The following DIP2C variants were observed in gnomAD, a reference collection of about 807,000 sequenced individuals.
DIP2C encodes the protein DIP2 acetate--CoA ligase C (putative).
A neutral mutation model predicts 192.4 loss-of-function variants in DIP2C; 33 were observed. The ratio of observed to expected loss-of-function variants is 0.17; its 90% CI spans 0.13 to 0.23. DIP2C has a LOEUF of 0.23. Among genes scored for constraint, DIP2C ranks in the 10% least tolerant of loss-of-function variants. The probability of loss-of-function intolerance (pLI) is 1.00; values close to 1 mark genes in which losing one functional copy is unlikely to be tolerated. For synonymous variants in DIP2C, 979 were observed against 864.1 expected (o/e 1.13, Z -2.33); for missense variants, 1,537 against 2,110.1 (o/e 0.73, Z 5.32).
chr10:381,116 G>A (rs1185314057), intron 17 of DIP2C, among the ~76,000 whole-genome samples: 1 of 152,166 alleles, frequency 6.6e-6, no homozygotes, highest in Non-Finnish European at 1.5e-5. Flanking sequence ...ACCAGCATTG[G>A]CTTCTCTCCT....
chr10:288,457 T>C lies in DIP2C; in HGVS notation c.3987-36A>G, dbSNP rs372567477. On this transcript the variant is annotated intron_variant, in intron 32 of 36. Coordinates refer to ENST00000280886, the MANE Select transcript of DIP2C (RefSeq NM_014974.3). ...AAAGAGAAAATATTCCTAGATGTGT[T>C]TGCTGTCCAGTTTTCCCCTTCACCA... The C allele has an allele frequency of 3.7e-5, 60 of 1,610,188 alleles. No homozygotes were observed. In the African/African-American group the frequency reaches 4.7e-4, roughly 13 times the overall value.
At chr10:530,905 G>T (rs555533198) in intron 1 of DIP2C, among the ~76,000 whole-genome samples, 33 of 152,214 alleles carry the variant, frequency 2.2e-4, no homozygotes, top group Non-Finnish European at 4.1e-4. Context: ...CAGCAGCCTG[G>T]TTTAGAGGAA....
chr10:355,256 G>T (rs930589571), intron 24 of DIP2C, among the ~76,000 whole-genome samples: 1 of 152,208 alleles, frequency 6.6e-6, no homozygotes, highest in African/African-American at 2.4e-5. Context: ...CAATGGCTGG[G>T]ATCAACTCAG....
chr10:519,509 T>C (rs778949967), intron 1 of DIP2C, among the ~76,000 whole-genome samples: 1 of 152,056 alleles, frequency 6.6e-6, no homozygotes, highest in Non-Finnish European at 1.5e-5. Flanking sequence ...CACACATACA[T>C]GGGACCTCCA....
intron 17 of DIP2C, among the ~76,000 whole-genome samples, chr10:374,439 C>G (rs886856421): frequency 6.6e-6 from 1 of 152,182 alleles, no homozygotes; most frequent in African/African-American, 2.4e-5. Context: ...CTATTCTGCA[C>G]AGCAACCCTG....
chr10:536,904 AG>A (rs2130884231), intron 1 of DIP2C, among the ~76,000 whole-genome samples: 1 of 152,310 alleles, frequency 6.6e-6, no homozygotes, highest in South Asian at 2.1e-4. Context: ...AACACACGCC[AG>A]TTCTTTATTC....
chr10:654,189 T>C (rs1283549596), intron 1 of DIP2C, among the ~76,000 whole-genome samples: 1 of 152,102 alleles, frequency 6.6e-6, no homozygotes. Flanking sequence ...CTGCCGGAGA[T>C]TGGTAGTGAC....
At chr10:606,170 A>T (rs1409647513) in intron 1 of DIP2C, among the ~76,000 whole-genome samples, 1 of 152,240 alleles carries the variant, frequency 6.6e-6, no homozygotes, top group Non-Finnish European at 1.5e-5. Context: ...CCTCAGAACG[A>T]GTCCTGCATA....
intron 31 of DIP2C, among the ~76,000 whole-genome samples, chr10:310,360 G>A (rs896563366): frequency 4.9e-4 from 74 of 152,308 alleles, no homozygotes; most frequent in African/African-American, 1.6e-3. Flanking sequence ...ACAAAGCCAC[G>A]CACTGTGCCA....
intron 3 of DIP2C, among the ~76,000 whole-genome samples, chr10:455,449 G>A (rs35418083): frequency 5.4e-4 from 52 of 96,598 alleles, no homozygotes; most frequent in African/African-American, 1.9e-3. Context: ...ACCGTGAGGA[G>A]TAAATGAGAT....
chr10:389,305 G>A (rs964201622), intron 13 of DIP2C, among the ~76,000 whole-genome samples: 1 of 152,008 alleles, frequency 6.6e-6, no homozygotes, highest in South Asian at 2.1e-4. Flanking sequence ...GCCACCAATG[G>A]GGGGAGTCTC....
At chr10:463,497 GAC>G (rs1241432150) in intron 3 of DIP2C, among the ~76,000 whole-genome samples, 1 of 152,168 alleles carries the variant, frequency 6.6e-6, no homozygotes, top group African/African-American at 2.4e-5. Context: ...AAGAAGAGAA[GAC>G]ACAAACAAAT....
rs185103570 is a variant in DIP2C at position 383,480 on chromosome 10, G to A, written c.1876+547C>T. Among the ~76,000 whole-genome samples, 16 of 152,304 alleles carry A rather than the reference G, an allele frequency of 1.1e-4. No homozygotes were observed. The East Asian group carries it at 3.1e-3, about 29-fold the overall frequency. ...AGTTGGCTGAAATATTTCTCAAGGT[G>A]TATTTATAGTATTCTGTGGAGCTGC... On this transcript the variant is annotated intron_variant, in intron 16 of 36. Coordinates refer to ENST00000280886, the MANE Select transcript of DIP2C (RefSeq NM_014974.3).
chr10:446,164 T>C (rs552311618), intron 3 of DIP2C, among the ~76,000 whole-genome samples: 5 of 139,876 alleles, frequency 3.6e-5, no homozygotes, highest in South Asian at 2.3e-4. Flanking sequence ...TAGGCATCTA[T>C]ATACATCTGT....
intron 17 of DIP2C, among the ~76,000 whole-genome samples, chr10:371,159 T>C (rs1351384546): frequency 3.9e-5 from 2 of 51,074 alleles, no homozygotes; most frequent in African/African-American, 9.1e-5. Context: ...CCCCTCACCC[T>C]GCACCATCCC....
intron 14 of DIP2C, among the ~76,000 whole-genome samples, chr10:386,585 G>A (rs942102935): frequency 7.2e-5 from 11 of 152,220 alleles, no homozygotes; most frequent in African/African-American, 2.7e-4. Context: ...ATCCAGACTT[G>A]AGAGACGACC....
intron 1 of DIP2C, among the ~76,000 whole-genome samples, chr10:657,624 G>C (rs1201352909): frequency 4.4e-5 from 3 of 67,598 alleles, no homozygotes; most frequent in African/African-American, 1.6e-4. Flanking sequence ...TGGACCTGAT[G>C]CTGGACCTGC....
rs1029349492 is a variant in DIP2C, at chr10:450,484, A to G, written c.269-9488T>C. Reference sequence around the variant, plus strand: ...GCCACACTTCCTGCTTCTGCAGAACATATCACTTGGCTGCAACACACAATG... The same window carrying G: ...GCCACACTTCCTGCTTCTGCAGAACGTATCACTTGGCTGCAACACACAATG... On this transcript the variant is annotated intron_variant, in intron 3 of 36. Coordinates refer to ENST00000280886, the MANE Select transcript of DIP2C (RefSeq NM_014974.3). Among the ~76,000 whole-genome samples, 10 of 152,220 alleles carry G rather than the reference A, an allele frequency of 6.6e-5. 1 individual carries two copies. The highest frequency in any genetic ancestry group is 4.6e-4 in the Admixed American group (7 of 15,288).
intron 1 of DIP2C, among the ~76,000 whole-genome samples, chr10:522,534 G>C (rs1846778548): frequency 6.6e-6 from 1 of 152,242 alleles, no homozygotes; most frequent in African/African-American, 2.4e-5. Context: ...TGAGGGTCCT[G>C]ATGCCCCACA....
Sources: allele counts gnomAD v4.1 joint callset (sites outside exome capture counted in the v4.1 genomes callset), GRCh38; gene constraint gnomAD v4.1.1; transcripts MANE v1.5; gene names NCBI Gene and HGNC (gene_info 2026-07-23, HGNC 2026-07-21).